Variants in CNTLN observed in about 807,000 individuals in gnomAD.
CNTLN encodes the protein centlein, also known as centlein, centrosomal protein.
A neutral mutation model predicts 180.0 loss-of-function variants in CNTLN; 212 were observed. The ratio of observed to expected loss-of-function variants is 1.18; its 90% CI spans 1.05 to 1.32. The LOEUF (loss-of-function observed/expected upper bound fraction) is 1.32. CNTLN is among the 40% of genes most tolerant of loss of function. CNTLN has a pLI of 0.00. For synonymous variants in CNTLN, 722 were observed against 563.1 expected (o/e 1.28, Z -3.99); for missense variants, 2,095 against 1,610.9 (o/e 1.30, Z -5.14).
intron 12 of CNTLN, among the ~76,000 whole-genome samples, chr9:17,345,418 A>G (rs978095403): frequency 5.3e-4 from 81 of 151,812 alleles, no homozygotes; most frequent in African/African-American, 1.8e-3. Flanking sequence ...GTTATTATTT[A>G]TTTCCTGTTT....
At chr9:17,393,787 T>C (rs1054480670) in intron 14 of CNTLN, among the ~76,000 whole-genome samples, 3 of 152,168 alleles carry the variant, frequency 2.0e-5, no homozygotes, top group Non-Finnish European at 2.9e-5. Flanking sequence ...TGAACTAGAA[T>C]TAATTGCCCA....
At chr9:17,421,132 G>A (rs1477867815) in intron 18 of CNTLN, among the ~76,000 whole-genome samples, 1 of 152,176 alleles carries the variant, frequency 6.6e-6, no homozygotes, top group South Asian at 2.1e-4. Flanking sequence ...CTATCTGGAT[G>A]ATCTGTCCAT....
At chr9:17,257,762 G>A (rs1358114653) in intron 5 of CNTLN, among the ~76,000 whole-genome samples, 1 of 151,050 alleles carries the variant, frequency 6.6e-6, no homozygotes, top group Non-Finnish European at 1.5e-5. Flanking sequence ...TTTCTTGGCT[G>A]CATAAATGTC....
rs372272302 is a variant in CNTLN, at chr9:17,351,480, A to C, written c.1886+9036A>C. On this transcript the variant is annotated intron_variant, in intron 12 of 25. Transcript: ENST00000380647. ...ATCTCCAAATTTATTCCCGTCCATT[A>C]TTCTAAATCTTAGTAAATGGTATTA... Among the ~76,000 whole-genome samples, 4 of 152,218 alleles carry C rather than the reference A, an allele frequency of 2.6e-5. No homozygotes were observed. In the East Asian group the frequency reaches 7.7e-4, roughly 29 times the overall value.
chr9:17,194,893 T>TTG (rs1822027924), intron 2 of CNTLN, among the ~76,000 whole-genome samples: 1 of 152,164 alleles, frequency 6.6e-6, no homozygotes, highest in Non-Finnish European at 1.5e-5. Context: ...GCCCTTCTTA[T>TTG]GTGGCAGCGA....
At chr9:17,204,885 C>T (rs1348556414) in intron 2 of CNTLN, among the ~76,000 whole-genome samples, 2 of 152,218 alleles carry the variant, frequency 1.3e-5, no homozygotes, top group African/African-American at 4.8e-5. Flanking sequence ...AAATGCCCTG[C>T]CCAGTGAGGA....
At position 17,236,420 on chromosome 9, in the gene CNTLN, G is replaced by A. The variant is rs1825145821; in HGVS notation, c.681G>A (p.Glu227=). ...DKSQEIKDTK[E]CVQNKEEQNR... ...GTACTGTTCTACAGGACACTAAGGA[G>A]TGTGTACAGAACAAAGAAGAGCAAA... is the stretch of plus-strand genomic sequence containing the variant. Residue 227 remains glutamate (E), a synonymous_variant, in exon 5 of 26, where the codon GAG becomes GAA. Coordinates refer to ENST00000380647, the MANE Select transcript of CNTLN (RefSeq NM_017738.4). 1 of 1,609,200 alleles carries A rather than the reference G, an allele frequency of 6.2e-7. No individual in the cohort carries two copies. The highest frequency in any genetic ancestry group is 8.5e-7 in the Non-Finnish European group (1 of 1,178,084).
chr9:17,412,028 C>T (rs117206216), intron 16 of CNTLN, among the ~76,000 whole-genome samples: 2,726 of 151,846 alleles, frequency 0.018, 142 homozygotes, highest in Admixed American at 0.12. Context: ...CCCACCCCCT[C>T]CCCATGATGT....
In CNTLN at chr9:17,215,508, C is replaced by T. The variant is rs376070200; in HGVS notation, c.450-10695C>T. On this transcript the variant is annotated intron_variant, in intron 2 of 25. Transcript: ENST00000380647. ...AGGCTACTCGGGGGTCAGGGAACCA[C>T]TTGAGGAGGCAGTTTGACCATTCTC... Among the ~76,000 whole-genome samples, 24 of 152,312 alleles carry T rather than the reference C, an allele frequency of 1.6e-4. No homozygotes were observed. The South Asian group carries it at 4.6e-3, about 29-fold the overall frequency.
the CNTLN span, among the ~76,000 whole-genome samples, chr9:17,526,877 G>A: frequency 6.6e-6 from 1 of 151,332 alleles, no homozygotes; most frequent in Non-Finnish European, 1.5e-5. Flanking sequence ...GAGTCTTGCT[G>A]TGTCACCCAG....
At chr9:17,340,783 A>G (rs1350609053) in intron 10 of CNTLN, 44 bp from the exon 11 acceptor site, 3 of 1,530,284 alleles carry the variant, frequency 2.0e-6, no homozygotes, top group Non-Finnish European at 2.6e-6. Flanking sequence ...TTATATTAAT[A>G]CTTTCTTCAA....
intron 2 of CNTLN, among the ~76,000 whole-genome samples, chr9:17,150,757 C>T (rs1185547655): frequency 6.6e-6 from 1 of 152,148 alleles, no homozygotes; most frequent in Non-Finnish European, 1.5e-5. Context: ...GCCATTTTCA[C>T]GATATTGATT....
chr9:17,474,607 G>A (rs540999473), intron 23 of CNTLN, among the ~76,000 whole-genome samples: 7 of 152,230 alleles, frequency 4.6e-5, no homozygotes, highest in African/African-American at 1.4e-4. Context: ...AGTGGCTCAC[G>A]CCTGTAATCC....
intron 16 of CNTLN, among the ~76,000 whole-genome samples, chr9:17,411,163 C>T (rs1250355512): frequency 1.3e-5 from 2 of 152,098 alleles, no homozygotes; most frequent in African/African-American, 4.8e-5. Context: ...GTGGTGAGTT[C>T]TTTGGGTTTT....
At chr9:17,268,586 T>C (rs10962982) in intron 5 of CNTLN, among the ~76,000 whole-genome samples, 68,600 of 151,892 alleles carry the variant, frequency 0.45, 16,200 homozygotes, top group South Asian at 0.65. Flanking sequence ...GGGACATTTA[T>C]GTCTGCAGAG....
chr9:17,311,527 C>G (rs1384207114), intron 8 of CNTLN, among the ~76,000 whole-genome samples: 1 of 147,270 alleles, frequency 6.8e-6, no homozygotes, highest in Admixed American at 6.8e-5. Context: ...AAGAAATTGA[C>G]GGCTGGGTGC....
chr9:17,226,302 A>G lies in CNTLN; in HGVS notation c.534+15A>G. 1 of 1,373,508 alleles carries G rather than the reference A, an allele frequency of 7.3e-7. No individual in the cohort carries two copies. The highest frequency in any genetic ancestry group is 9.9e-7 in the Non-Finnish European group (1 of 1,012,630). 85.1% of individuals were successfully genotyped at this position (1,373,508 alleles called of 1,614,324 possible). A position where few individuals can be genotyped will look rare whatever the true frequency, so the allele number is the denominator to read the frequency against. On this transcript the variant is annotated intron_variant, in intron 3 of 25. Coordinates refer to ENST00000380647, the MANE Select transcript of CNTLN (RefSeq NM_017738.4). ...AATTTGAACAGGTTGGTGTTATAAT[A>G]AAAATATTTAAATTAACTATATTTG...
chr9:17,250,062 T>G (rs920325670), intron 5 of CNTLN, among the ~76,000 whole-genome samples: 4 of 151,730 alleles, frequency 2.6e-5, no homozygotes, highest in Non-Finnish European at 4.4e-5. Context: ...GGCTCTGTTG[T>G]TTGGTGCCTA....
chr9:17,385,325 C>T (rs1037027499), intron 13 of CNTLN, among the ~76,000 whole-genome samples: 1 of 152,158 alleles, frequency 6.6e-6, no homozygotes, highest in Non-Finnish European at 1.5e-5. Flanking sequence ...TGACTGAATT[C>T]AGTCTCCATT....
Sources: gnomAD v4.1 joint callset for allele counts (sites outside exome capture counted in the v4.1 genomes callset) on GRCh38, gnomAD v4.1.1 for gene constraint, MANE v1.5 for transcripts, NCBI Gene and HGNC (gene_info 2026-07-23, HGNC 2026-07-21) for gene names.